The following TUBB8 variants were observed in gnomAD, a reference collection of about 807,000 sequenced individuals.
TUBB8 encodes tubulin beta 8 class VIII.
TUBB8 carries 25 observed loss-of-function variants against 33.7 expected under a neutral mutation model. That is an observed-to-expected ratio of 0.74 (90% CI 0.54 to 1.04). TUBB8 has a LOEUF of 1.04. Among genes scored for constraint, TUBB8 ranks in the 50% least tolerant of loss-of-function variants. The pLI, the probability that TUBB8 is intolerant of heterozygous loss-of-function variation, is 0.00. For synonymous variants in TUBB8, 245 were observed against 240.1 expected (o/e 1.02, Z -0.19); for missense variants, 279 against 608.0 (o/e 0.46, Z 5.69).
upstream of TUBB8, among the ~76,000 whole-genome samples, chr10:76,561 T>G (rs1834817069): frequency 6.6e-6 from 1 of 151,756 alleles, no homozygotes; most frequent in African/African-American, 2.4e-5. Context: ...CCCTCCGGGG[T>G]GGGTGCTGAG....
chr10:75,152 G>A (rs1834794153), upstream of TUBB8, among the ~76,000 whole-genome samples: 2 of 149,296 alleles, frequency 1.3e-5, no homozygotes, highest in South Asian at 4.4e-4. Context: ...TTCACACCTG[G>A]GATTACAGGC....
chr10:58,415 G>A lies in TUBB8; in HGVS notation c.-845-8182C>T, dbSNP rs146608217. ...TTCCACTCCTTTGTGCCAATTTTCT[G>A]TATTAAGCTTTTTCCCCATCACTAT... On this transcript the variant is annotated intron_variant, in intron 1 of 3. Transcript: ENST00000564130. Among the ~76,000 whole-genome samples, 906 of 152,258 alleles carry A rather than the reference G, an allele frequency of 6.0e-3. 2 individuals are homozygous for A. The highest frequency in any genetic ancestry group is 0.021 in the African/African-American group (867 of 41,556).
At chr10:48,487 G>T in intron 3 of TUBB8, 128 bp downstream of exon 3, 1 of 909,672 alleles carries the variant, frequency 1.1e-6, no homozygotes, top group Non-Finnish European at 1.8e-6. Context: ...TGAGCGACTC[G>T]ACTCGGAGGA....
At chr10:74,562 G>T (rs1174430962), upstream of TUBB8, among the ~76,000 whole-genome samples, 1 of 149,650 alleles carries the variant, frequency 6.7e-6, no homozygotes, top group African/African-American at 2.5e-5. Flanking sequence ...GGGAGGTGGA[G>T]GTTGCAGTGA....
At chr10:67,612 G>A (rs1834687391) in intron 1 of TUBB8, among the ~76,000 whole-genome samples, 1 of 152,186 alleles carries the variant, frequency 6.6e-6, no homozygotes, top group African/African-American at 2.4e-5. Flanking sequence ...TTTTAGTACA[G>A]ACGGGGTTTC....
intron 1 of TUBB8, among the ~76,000 whole-genome samples, chr10:55,633 G>C (rs1283185194): frequency 2.6e-5 from 4 of 152,174 alleles, no homozygotes; most frequent in African/African-American, 9.7e-5. Flanking sequence ...TTAGGTTTAA[G>C]TTTTTAATTT....
intron 1 of TUBB8, among the ~76,000 whole-genome samples, chr10:71,401 G>A (rs552815815): frequency 2.6e-5 from 4 of 151,626 alleles, no homozygotes; most frequent in Admixed American, 6.6e-5. Context: ...TGGGGAGGCC[G>A]AGGTGAGGGA....
Position 49,258 on chromosome 10 carries a change from C to T in TUBB8, c.-20G>A, listed in dbSNP as rs201277162. On this transcript the variant is annotated 5_prime_UTR_variant, in exon 1 of 4. Transcript: ENST00000568584. Reference sequence around the variant, plus strand: ...CCTCATGGCCAAGGCGGGATTAGGACGGCAGGAGAAACGTGAGAAGGAGGA... The same window carrying T: ...CCTCATGGCCAAGGCGGGATTAGGATGGCAGGAGAAACGTGAGAAGGAGGA... The T allele has an allele frequency of 4.4e-6, 7 of 1,577,594 alleles. No individual in the cohort carries two copies. The highest frequency in any genetic ancestry group is 2.7e-5 in the African/African-American group (2 of 73,924).
chr10:48,937 C>G (rs1554738941), intron 1 of TUBB8, 25 bp from the exon 2 acceptor site: 1 of 1,423,498 alleles, frequency 7.0e-7, no homozygotes, highest in Admixed American at 2.0e-5. Flanking sequence ...AGGAGACAGA[C>G]AGGCCGGGGC....
upstream of TUBB8, among the ~76,000 whole-genome samples, chr10:76,045 G>C (rs536980820): frequency 0.021 from 3,160 of 147,082 alleles, 108 homozygotes; most frequent in African/African-American, 0.076. Flanking sequence ...AGGCTGAGGC[G>C]GGAGAATCGC....
intron 1 of TUBB8, among the ~76,000 whole-genome samples, chr10:64,001 G>A (rs782056064): frequency 6.6e-6 from 1 of 152,132 alleles, no homozygotes; most frequent in Non-Finnish European, 1.5e-5. Flanking sequence ...AACACGTAAA[G>A]GTACTGCTTT....
At chr10:74,777 G>C (rs1834787664), upstream of TUBB8, among the ~76,000 whole-genome samples, 3 of 151,842 alleles carry the variant, frequency 2.0e-5, no homozygotes, top group Admixed American at 2.0e-4. Flanking sequence ...TGTAATCCCA[G>C]TACTGTGGGA....
At chr10:57,159 C>T (rs868939058) in intron 1 of TUBB8, among the ~76,000 whole-genome samples, 7 of 152,234 alleles carry the variant, frequency 4.6e-5, no homozygotes, top group South Asian at 2.1e-4. Flanking sequence ...TGCCTTGGGA[C>T]GTTTAGACCT....
intron 1 of TUBB8, among the ~76,000 whole-genome samples, chr10:55,322 A>G (rs187522858): frequency 1.4e-4 from 22 of 152,350 alleles, no homozygotes; most frequent in Non-Finnish European, 2.8e-4. Flanking sequence ...CTCTCCCTCA[A>G]CACCTGGGGA....
chr10:60,918 A>C lies in TUBB8; in HGVS notation c.-845-10685T>G, dbSNP rs868965246. ...GCCATAAAAAATGATGAGTTCATGTACTTTATAGGGACATGGATGAAACTG... is the reference window on the plus strand; with the variant it reads ...GCCATAAAAAATGATGAGTTCATGTCCTTTATAGGGACATGGATGAAACTG... On this transcript the variant is annotated intron_variant, in intron 1 of 3. Coordinates refer to the TUBB8 transcript ENST00000564130. 3.5e-3 allele frequency among the ~76,000 whole-genome samples: 524 copies of C among 151,670 alleles called. 1 individual carries two copies. The highest frequency in any genetic ancestry group is 0.012 in the African/African-American group (492 of 41,064).
At chr10:69,938 C>A (rs1479710413) in intron 1 of TUBB8, among the ~76,000 whole-genome samples, 3 of 152,190 alleles carry the variant, frequency 2.0e-5, no homozygotes, top group Non-Finnish European at 4.4e-5. Flanking sequence ...TCTCTCTCTT[C>A]TGCTGCCTCC....
chr10:55,369 G>T (rs1834518050), intron 1 of TUBB8, among the ~76,000 whole-genome samples: 1 of 152,114 alleles, frequency 6.6e-6, no homozygotes, highest in African/African-American at 2.4e-5. Context: ...GGGACACAAA[G>T]GCTAACCATA....
chr10:67,825 G>A (rs570688198), intron 1 of TUBB8, among the ~76,000 whole-genome samples: 1 of 152,312 alleles, frequency 6.6e-6, no homozygotes. Context: ...AGGCTGGAAT[G>A]CAGTGCCACA....
intron 1 of TUBB8, among the ~76,000 whole-genome samples, chr10:55,994 C>A (rs1554740119): frequency 1.3e-5 from 2 of 152,190 alleles, no homozygotes; most frequent in African/African-American, 2.4e-5. Flanking sequence ...ATATATATTT[C>A]AGATTTTTTT....
Sources: gnomAD v4.1 joint callset for allele counts (sites outside exome capture counted in the v4.1 genomes callset) on GRCh38, gnomAD v4.1.1 for gene constraint, MANE v1.5 for transcripts, NCBI Gene and HGNC (gene_info 2026-07-23, HGNC 2026-07-21) for gene names.